The following GATA6 variants were observed in gnomAD, a reference collection of about 807,000 sequenced individuals.
GATA6 encodes transcription factor GATA-6.
A neutral mutation model predicts 48.1 loss-of-function variants in GATA6; 11 were observed. That is an observed-to-expected ratio of 0.23 (90% confidence interval 0.14 to 0.38). The LOEUF (loss-of-function observed/expected upper bound fraction) is 0.38, where lower values mean the gene tolerates loss of function less well. Ranked by LOEUF, GATA6 falls within the 10% of genes least tolerant of loss-of-function variation. The pLI, the probability that GATA6 is intolerant of heterozygous loss-of-function variation, is 1.00. For missense variants in GATA6, 795 were observed against 850.3 expected, an observed-to-expected ratio of 0.93 and a Z score of 0.81; for synonymous variants, 419 against 396.1, an observed-to-expected ratio of 1.06 and a Z score of -0.69.
intron 6 of GATA6, among the ~76,000 whole-genome samples, chr18:22,187,053 A>C (rs774871505): frequency 2.6e-5 from 4 of 152,220 alleles, no homozygotes; most frequent in African/African-American, 7.2e-5. Context: ...GTTTATTAAA[A>C]ATGTATGTTA....
At position 22,170,527 on chromosome 18, in the gene GATA6, G is replaced by A. The variant is rs2033018900; in HGVS notation, c.-37-581G>A. Among the ~76,000 whole-genome samples the A allele has an allele frequency of 6.6e-6, 1 of 152,246 alleles. No homozygotes were observed. The highest frequency in any genetic ancestry group is 2.1e-4 in the South Asian group (1 of 4,834). On this transcript the variant is annotated intron_variant, in intron 1 of 6. Coordinates refer to ENST00000269216, the MANE Select transcript of GATA6 (RefSeq NM_005257.6). This position sits in a 1 kb window ranked among gnomAD's most constrained non-coding sequence, Gnocchi z 6.7. ...GCTCGCGTTCGGGCTGGTCAGCGCAGTCCGGGAAGCTCTGGGAGAGCCAAT... is the reference window on the plus strand; with the variant it reads ...GCTCGCGTTCGGGCTGGTCAGCGCAATCCGGGAAGCTCTGGGAGAGCCAAT...
At position 22,171,639 on chromosome 18, in the gene GATA6, G is replaced by T. The variant is rs1425955666; in HGVS notation, c.495G>T (p.Ala165=). 6.3e-7 allele frequency: 1 copy of T among 1,590,524 alleles called. No homozygotes were observed. Among genetic ancestry groups the T allele is most frequent in the African/African-American group, 1.3e-5 (1 of 74,340 alleles). Residue 165 remains alanine, a synonymous_variant, in exon 2 of 7, where the codon GCG becomes GCT. Coordinates refer to ENST00000269216, the MANE Select transcript of GATA6 (RefSeq NM_005257.6). The surrounding 1 kb of genome is among the most constrained non-coding windows in gnomAD (Gnocchi z 7.1). ...SSQGPAAYDG[A]PGGFVHSAAA... ...AGGGTCCGGCCGCCTACGACGGCGC[G>T]CCCGGCGGCTTCGTGCACTCTGCGG...
chr18:22,186,018 C>G (rs576105870), intron 6 of GATA6, among the ~76,000 whole-genome samples: 1 of 152,260 alleles, frequency 6.6e-6, no homozygotes, highest in Admixed American at 6.5e-5. Flanking sequence ...TGACTGATTG[C>G]CTGTAGGATT....
intron 3 of GATA6, among the ~76,000 whole-genome samples, chr18:22,178,207 C>T (rs550396730): frequency 1.3e-5 from 2 of 152,074 alleles, no homozygotes; most frequent in South Asian, 2.1e-4. Context: ...CATGTGATCC[C>T]GCCCGCCTCG....
intron 6 of GATA6, among the ~76,000 whole-genome samples, chr18:22,195,115 G>A (rs150685473): frequency 4.6e-5 from 7 of 152,322 alleles, no homozygotes; most frequent in African/African-American, 1.2e-4. Context: ...GTAGTGAGCC[G>A]AGATACCACC....
intron 2 of GATA6, among the ~76,000 whole-genome samples, chr18:22,173,228 T>A (rs1369353923): frequency 2.0e-5 from 3 of 152,250 alleles, no homozygotes. Context: ...AGGCTGTTTT[T>A]CTCAGATGCA....
chr18:22,199,440 C>A (rs1348744107), intron 6 of GATA6, among the ~76,000 whole-genome samples: 1 of 152,094 alleles, frequency 6.6e-6, no homozygotes, highest in African/African-American at 2.4e-5. Flanking sequence ...ATGATTATGG[C>A]GAAATTTTTC....
chr18:22,177,586 C>A (rs935066790), intron 3 of GATA6, among the ~76,000 whole-genome samples: 1 of 152,060 alleles, frequency 6.6e-6, no homozygotes, highest in Non-Finnish European at 1.5e-5. Context: ...CGAGGCCGGG[C>A]GAAGGAAGAC....
rs1438864398 is a variant in GATA6 at position 22,200,711 on chromosome 18, A to G, written c.1676A>G (p.Glu559Gly). ...AGESTNPENS[E>G]LKYSGQDGLY... The stretch of plus-strand genomic sequence containing the variant: ...GAGAGCACCAATCCCGAGAACAGCG[A>G]GCTCAAGTATTCGGGTCAAGATGGG... The change falls in exon 7 of 7, where the codon GAG (glutamate) becomes GGG (glycine). Residue 559 changes from glutamate to glycine, a missense_variant. Glu to Gly is a moderately conservative substitution (Grantham distance 98). Coordinates refer to ENST00000269216, the MANE Select transcript of GATA6 (RefSeq NM_005257.6). The G allele has an allele frequency of 1.2e-6, 2 of 1,614,070 alleles. No individual in the cohort carries two copies. Among genetic ancestry groups the G allele is most frequent in the Non-Finnish European group, 1.7e-6 (2 of 1,180,042 alleles).
In GATA6 at chr18:22,172,142, AT is replaced by A; in HGVS notation, c.999del (p.Pro334ArgfsTer12). Reference sequence around the variant, plus strand: ...CACCACCACCACCACCACCACCACCATCCGAGCCCCTACTCGCCCTACGTGG... The same window carrying A: ...CACCACCACCACCACCACCACCACCACCGAGCCCCTACTCGCCCTACGTGG... Reference protein sequence around the residue: ...YHHHHHHHHHHPSPYSPYVGA... With the variant: ...YHHHHHHHHHXPSPYSPYVGA... On this transcript the variant is annotated frameshift_variant, in exon 2 of 7. Transcript: ENST00000269216. LOFTEE classifies it high-confidence loss of function. The surrounding 1 kb of genome is among the most constrained non-coding windows in gnomAD (Gnocchi z 5.2). 1 of 1,332,190 alleles carries A rather than the reference AT, an allele frequency of 7.5e-7. No homozygotes were observed. 82.5% of individuals were successfully genotyped at this position (1,332,190 alleles called of 1,614,324 possible). A position where few individuals can be genotyped will look rare whatever the true frequency, so the allele number is the denominator to read the frequency against.
At chr18:22,184,861 T>C (rs1195951429) in intron 6 of GATA6, among the ~76,000 whole-genome samples, 1 of 152,124 alleles carries the variant, frequency 6.6e-6, no homozygotes, top group Non-Finnish European at 1.5e-5. Context: ...GGCAAAACAA[T>C]TTGGTTTTCT....
intron 6 of GATA6, among the ~76,000 whole-genome samples, chr18:22,183,663 T>C (rs888315176): frequency 6.6e-6 from 1 of 152,202 alleles, no homozygotes; most frequent in Non-Finnish European, 1.5e-5. Flanking sequence ...TTTGTGCCAC[T>C]GTGGACAGGA....
At chr18:22,173,319 CAT>C (rs2033079946) in intron 2 of GATA6, among the ~76,000 whole-genome samples, 1 of 152,138 alleles carries the variant, frequency 6.6e-6, no homozygotes, top group Non-Finnish European at 1.5e-5. Flanking sequence ...AAGGAAACAA[CAT>C]CTTTTTTTAT....
chr18:22,201,027 T>C lies in GATA6; in HGVS notation c.*204T>C, dbSNP rs1230674304. On this transcript the variant is annotated 3_prime_UTR_variant, in exon 7 of 7. Transcript: ENST00000269216. ...GGAAGGGCCAGTGCAACTGGGCGCT[T>C]GGGCCACTCCAGCCAGCCCGCCTCC... 2.9e-6 allele frequency: 2 copies of C among 687,074 alleles called. No homozygotes were observed. The allele number at this position is 687,074 out of a possible 1,614,324, so 42.6% of individuals were successfully genotyped here.
rs1423739672 is a variant in GATA6, at chr18:22,177,135, G to A, written c.1302+14G>A. 1 of 1,541,146 alleles carries A rather than the reference G, an allele frequency of 6.5e-7. No homozygotes were observed. On this transcript the variant is annotated intron_variant, in intron 3 of 6. Transcript: ENST00000269216. ...CAGAAGCGCGTGGTGAGTGTGACCC[G>A]CCCTGCCCCTGGCTCGCGGCCGGCC...
Position 22,176,309 on chromosome 18 carries a change from A to T in GATA6, c.1136-646A>T, listed in dbSNP as rs145674885. On this transcript the variant is annotated intron_variant, in intron 2 of 6. Coordinates refer to ENST00000269216, the MANE Select transcript of GATA6 (RefSeq NM_005257.6). ...AAAATAAAACTCTGTGCTTAACGTTAGTGCATTTTTCCCCTGAAAAGATGA... is the reference window on the plus strand; with the variant it reads ...AAAATAAAACTCTGTGCTTAACGTTTGTGCATTTTTCCCCTGAAAAGATGA... Among the ~76,000 whole-genome samples the T allele has an allele frequency of 3.5e-3, 531 of 152,304 alleles. 6 individuals carry two copies. The highest frequency in any genetic ancestry group is 0.011 in the African/African-American group (462 of 41,556).
chr18:22,201,001 G>A lies in GATA6; in HGVS notation c.*178G>A, dbSNP rs2033456039. ...GCTGAAAGAGTGAGAGAAGATGGAAGGGAAGGGCCAGTGCAACTGGGCGCT... is the reference window on the plus strand; with the variant it reads ...GCTGAAAGAGTGAGAGAAGATGGAAAGGAAGGGCCAGTGCAACTGGGCGCT... On this transcript the variant is annotated 3_prime_UTR_variant, in exon 7 of 7. Transcript: ENST00000269216. 2 of 835,034 alleles carry A rather than the reference G, an allele frequency of 2.4e-6. No homozygotes were observed. Among genetic ancestry groups the A allele is most frequent in the Non-Finnish European group, 1.8e-6 (1 of 546,584 alleles). The allele number at this position is 835,034 out of a possible 1,614,324, so 51.7% of individuals were successfully genotyped here.
chr18:22,170,999 C>G lies in GATA6; in HGVS notation c.-37-109C>G. On this transcript the variant is annotated intron_variant, in intron 1 of 6. Transcript: ENST00000269216. The surrounding 1 kb of genome is among the most constrained non-coding windows in gnomAD (Gnocchi z 6.7). The stretch of plus-strand genomic sequence containing the variant: ...GTCTCAAATGGGATCTTTGAGAAGT[C>G]AGATCCCATTTGAACTAGAAAAAGG... 1 of 698,538 alleles carries G rather than the reference C, an allele frequency of 1.4e-6. No individual in the cohort carries two copies. Among genetic ancestry groups the G allele is most frequent in the South Asian group, 1.6e-5 (1 of 63,168 alleles). The allele number at this position is 698,538 out of a possible 1,614,324, so 43.3% of individuals were successfully genotyped here.
chr18:22,200,541 G>C, intron 6 of GATA6, 115 bp from the exon 7 acceptor site: 1 of 1,318,814 alleles, frequency 7.6e-7, no homozygotes, highest in South Asian at 1.2e-5. Flanking sequence ...CTGCCCAGGA[G>C]CAGCTCTGGC....
Sources: gnomAD v4.1 joint callset for allele counts (sites outside exome capture counted in the v4.1 genomes callset) on GRCh38, gnomAD v4.1.1 for gene constraint, Gnocchi (gnomAD v3.1) non-coding constraint, MANE v1.5 for transcripts, NCBI Gene and HGNC (gene_info 2026-07-23, HGNC 2026-07-21) for gene names.